TTC38: variants seen among roughly 807,000 people sequenced by gnomAD.
TTC38 encodes the protein tetratricopeptide repeat protein 38.
Under a neutral mutation model 64.2 loss-of-function variants are expected in TTC38, and 64 were observed. The observed-to-expected ratio is 1.00, with a 90% CI of 0.81 to 1.23. The LOEUF is 1.23. Ranked by LOEUF, TTC38 falls within the 50% of genes most tolerant of loss-of-function variation. TTC38 has a pLI of 0.00. For missense variants in TTC38, 573 were observed against 615.5 expected, an observed-to-expected ratio of 0.93 and a Z score of 0.73; for synonymous variants, 254 against 249.3, an observed-to-expected ratio of 1.02 and a Z score of -0.18.
At position 46,281,778 on chromosome 22, in the gene TTC38, G is replaced by A; in HGVS notation, c.735+60G>A. On this transcript the variant is annotated intron_variant, in intron 7 of 13. Coordinates refer to ENST00000381031, the MANE Select transcript of TTC38 (RefSeq NM_017931.4). This position sits in a 1 kb window ranked among gnomAD's most constrained non-coding sequence, Gnocchi z 5.2. ...AATTCAGTGCATCCCCTTGAGTCAG[G>A]CCAAGGCTTTATGGACAAGAGTTAC... 2 of 1,606,944 alleles carry A rather than the reference G, an allele frequency of 1.2e-6. No individual in the cohort carries two copies. Among genetic ancestry groups the A allele is most frequent in the Non-Finnish European group, 1.7e-6 (2 of 1,176,410 alleles).
chr22:46,288,541 C>T lies in TTC38; in HGVS notation c.1035C>T (p.Asp345=). The T allele has an allele frequency of 1.9e-6, 3 of 1,613,892 alleles. No individual in the cohort carries two copies. Among genetic ancestry groups the T allele is most frequent in the Non-Finnish European group, 1.7e-6 (2 of 1,179,876 alleles). Residue 345 remains aspartate, a synonymous_variant, in exon 11 of 14, where the codon GAC becomes GAT. Coordinates refer to ENST00000381031, the MANE Select transcript of TTC38 (RefSeq NM_017931.4). ...HFLMASLGAH[D]PQTTQELLTT... Reference sequence around the variant, plus strand: ...TGATGGCATCCCTGGGTGCACACGACCCCCAGACCACACAGGAGCTGCTGA... The same window carrying T: ...TGATGGCATCCCTGGGTGCACACGATCCCCAGACCACACAGGAGCTGCTGA...
At chr22:46,280,190 AG>A (rs1277373177) in intron 6 of TTC38, 1 of 471,128 alleles carries the variant, frequency 2.1e-6, no homozygotes. Context: ...CAGGCTGGTG[AG>A]GGTAGGAGGA....
intron 11 of TTC38, 33 bp downstream of exon 11, chr22:46,288,621 C>T: frequency 1.2e-6 from 2 of 1,605,040 alleles, no homozygotes; most frequent in Non-Finnish European, 8.5e-7. Flanking sequence ...GGTGGGGGTC[C>T]TCACCCTGCC....
chr22:46,279,103 C>G (rs2077514809), intron 6 of TTC38, among the ~76,000 whole-genome samples: 1 of 152,250 alleles, frequency 6.6e-6, no homozygotes, highest in South Asian at 2.1e-4. Context: ...CTAAGCATCA[C>G]TCACGGCACC....
At position 46,282,676 on chromosome 22, in the gene TTC38, G is replaced by C. The variant is rs945012756; in HGVS notation, c.735+958G>C. Among the ~76,000 whole-genome samples, 1 of 152,198 alleles carries C rather than the reference G, an allele frequency of 6.6e-6. No individual in the cohort carries two copies. The highest frequency in any genetic ancestry group is 2.4e-5 in the African/African-American group (1 of 41,432). The stretch of plus-strand genomic sequence containing the variant: ...GCAGTGGTCAGGTTCCCTTCTCAGG[G>C]ACACTGAGGTTTGTTTGAGGTTTCT... On this transcript the variant is annotated intron_variant, in intron 7 of 13. Transcript: ENST00000381031. This position sits in a 1 kb window ranked among gnomAD's most constrained non-coding sequence, Gnocchi z 4.4.
intron 9 of TTC38, among the ~76,000 whole-genome samples, chr22:46,286,723 G>A (rs1019526295): frequency 6.6e-6 from 1 of 152,144 alleles, no homozygotes; most frequent in Non-Finnish European, 1.5e-5. Context: ...CTCGAGGTGG[G>A]CTCCTCAGCA....
Position 46,276,425 on chromosome 22 carries a change from G to T in TTC38, c.539+1004G>T, listed in dbSNP as rs1263326660. Among the ~76,000 whole-genome samples the T allele has an allele frequency of 6.6e-6, 1 of 152,186 alleles. No individual in the cohort carries two copies. Among genetic ancestry groups the T allele is most frequent in the African/African-American group, 2.4e-5 (1 of 41,430 alleles). On this transcript the variant is annotated intron_variant, in intron 5 of 13. Transcript: ENST00000381031. This position sits in a 1 kb window ranked among gnomAD's most constrained non-coding sequence, Gnocchi z 4.7. ...CACGAGACTGGGCACAGTGGCTTAT[G>T]CCTGTAATCCCAGCTGTTTGGGAAG...
At chr22:46,278,457 C>A (rs1189557359) in intron 5 of TTC38, 129 bp from the exon 6 acceptor site, 7 of 747,202 alleles carry the variant, frequency 9.4e-6, no homozygotes, top group South Asian at 7.7e-5. Flanking sequence ...TCTGCAAAGA[C>A]CCTATTTCCA....
intron 2 of TTC38, 179 bp downstream of exon 2, chr22:46,268,770 T>C (rs1936822863): frequency 1.7e-6 from 1 of 592,322 alleles, no homozygotes; most frequent in South Asian, 2.0e-5. Flanking sequence ...CTGCAAGCTT[T>C]GCCTCCCGGG....
intron 10 of TTC38, 21 bp from the exon 11 acceptor site, chr22:46,288,402 G>T: frequency 6.2e-7 from 1 of 1,608,814 alleles, no homozygotes; most frequent in African/African-American, 1.3e-5. Context: ...CAGGCCCTGG[G>T]TCTCCTCCCC....
chr22:46,269,097 C>A (rs573400563), intron 2 of TTC38: 5 of 422,082 alleles, frequency 1.2e-5, no homozygotes, highest in South Asian at 6.8e-5. Flanking sequence ...TGCCCCCCCC[C>A]CACAGCGTCC....
chr22:46,283,199 A>G (rs536266787), intron 7 of TTC38, among the ~76,000 whole-genome samples: 1 of 152,136 alleles, frequency 6.6e-6, no homozygotes, highest in Admixed American at 6.5e-5. Flanking sequence ...TCGGCCTCCC[A>G]AAGTACTGGG....
chr22:46,284,146 C>A, intron 8 of TTC38, 114 bp downstream of exon 8: 2 of 852,736 alleles, frequency 2.3e-6, no homozygotes, highest in Non-Finnish European at 3.7e-6. Context: ...TGCAATGGAG[C>A]ATTAACATTT....
Position 46,281,002 on chromosome 22 carries a change from C to T in TTC38, c.616-597C>T, listed in dbSNP as rs1010146128. 2.6e-5 allele frequency among the ~76,000 whole-genome samples: 4 copies of T among 152,224 alleles called. No homozygotes were observed. Among genetic ancestry groups the T allele is most frequent in the Admixed American group, 1.3e-4 (2 of 15,286 alleles). On this transcript the variant is annotated intron_variant, in intron 6 of 13. Transcript: ENST00000381031. This position sits in a 1 kb window ranked among gnomAD's most constrained non-coding sequence, Gnocchi z 5.2. ...ATCATTCCATGAGTCCTGCCTGCCT[C>T]GCTGGTCGCTGTCAAGCTCACAGGT...
rs576834598 is a variant in TTC38 at position 46,273,434 on chromosome 22, A to T, written c.194-464A>T. On this transcript the variant is annotated intron_variant, in intron 3 of 13. Coordinates refer to ENST00000381031, the MANE Select transcript of TTC38 (RefSeq NM_017931.4). The surrounding 1 kb of genome is among the most constrained non-coding windows in gnomAD (Gnocchi z 5.1). ...CAGCAAGGCTGCTGCGAGGGCCACA[A>T]GGCACTCACCCCCACCCTAACTTTT... 6.6e-6 allele frequency among the ~76,000 whole-genome samples: 1 copy of T among 152,216 alleles called. No individual in the cohort carries two copies. The highest frequency in any genetic ancestry group is 1.5e-5 in the Non-Finnish European group (1 of 68,026).
At position 46,291,347 on chromosome 22, in the gene TTC38, G is replaced by C. The variant is rs982203474; in HGVS notation, c.1317-1444G>C. On this transcript the variant is annotated intron_variant, in intron 13 of 13. Coordinates refer to ENST00000381031, the MANE Select transcript of TTC38 (RefSeq NM_017931.4). The surrounding 1 kb of genome is among the most constrained non-coding windows in gnomAD (Gnocchi z 4.6). ...TGGGGTGACATCTGTGGGGCAGTGCGGCAGTGCCGATGTGGCCTTCTGCGG... is the reference window on the plus strand; with the variant it reads ...TGGGGTGACATCTGTGGGGCAGTGCCGCAGTGCCGATGTGGCCTTCTGCGG... Among the ~76,000 whole-genome samples the C allele has an allele frequency of 6.6e-6, 1 of 152,138 alleles. No individual in the cohort carries two copies. The highest frequency in any genetic ancestry group is 2.4e-5 in the African/African-American group (1 of 41,438).
intron 6 of TTC38, 126 bp downstream of exon 6, chr22:46,278,787 G>A (rs1434903625): frequency 1.3e-6 from 1 of 797,606 alleles, no homozygotes; most frequent in Non-Finnish European, 2.2e-6. Flanking sequence ...CTTCCTCAGA[G>A]AGACTGGGGA....
In TTC38 at chr22:46,288,458, C is replaced by T; in HGVS notation, c.952C>T (p.Pro318Ser). 3 of 1,613,958 alleles carry T rather than the reference C, an allele frequency of 1.9e-6. No individual in the cohort carries two copies. The highest frequency in any genetic ancestry group is 2.2e-5 in the South Asian group (2 of 91,082). The change falls in exon 11 of 14, where the codon CCT (proline) becomes TCT (serine). Residue 318 changes from proline (P) to serine (S), a missense_variant. Pro to Ser is a moderately conservative substitution (Grantham distance 74, BLOSUM62 -1). Coordinates refer to ENST00000381031, the MANE Select transcript of TTC38 (RefSeq NM_017931.4). ...SVGQRWQDVL[P>S]VARKHSRDHI... is the part of the protein sequence containing the mutation. ...GGGCCAGCGGTGGCAGGATGTCCTG[C>T]CTGTGGCCCGGAAGCACAGCCGAGA...
intron 8 of TTC38, among the ~76,000 whole-genome samples, chr22:46,285,006 T>C (rs768746606): frequency 1.1e-4 from 17 of 152,070 alleles, no homozygotes; most frequent in Non-Finnish European, 1.6e-4. Flanking sequence ...TCTTCAGTGG[T>C]GGCGGCACAG....
Sources: gnomAD v4.1 joint callset for allele counts (sites outside exome capture counted in the v4.1 genomes callset) on GRCh38, gnomAD v4.1.1 for gene constraint, Gnocchi (gnomAD v3.1) non-coding constraint, MANE v1.5 for transcripts, NCBI Gene and HGNC (gene_info 2026-07-23, HGNC 2026-07-21) for gene names.